TBCK: variants seen among roughly 807,000 people sequenced by gnomAD.
The protein encoded by TBCK is TBC1 domain containing kinase, also known as TBC domain-containing protein kinase-like protein.
In TBCK, 99 loss-of-function variants were observed where a neutral mutation model predicts 113.4. The ratio of observed to expected loss-of-function variants is 0.87; its 90% CI spans 0.74 to 1.03. TBCK has a LOEUF of 1.03. Ranked by LOEUF, TBCK falls within the 50% of genes least tolerant of loss-of-function variation. The pLI, the probability that TBCK is intolerant of heterozygous loss-of-function variation, is 0.00. For synonymous variants in TBCK, 369 were observed against 370.8 expected (o/e 1.00, Z 0.05); for missense variants, 1,045 against 1,061.3 (o/e 0.98, Z 0.21).
chr4:106,307,315 C>T (rs1767634359), intron 2 of TBCK, among the ~76,000 whole-genome samples: 1 of 152,078 alleles, frequency 6.6e-6, no homozygotes, highest in Admixed American at 6.6e-5. Flanking sequence ...GTTCCTTTCA[C>T]ACAGTAATGT....
At chr4:106,179,449 A>G (rs1402973341) in intron 22 of TBCK, among the ~76,000 whole-genome samples, 1 of 151,888 alleles carries the variant, frequency 6.6e-6, no homozygotes, top group Non-Finnish European at 1.5e-5. Context: ...TTTCATTTGC[A>G]CATTTTCTGT....
chr4:106,122,881 T>C (rs898787246), intron 23 of TBCK, among the ~76,000 whole-genome samples: 137 of 152,148 alleles, frequency 9.0e-4, no homozygotes, highest in Non-Finnish European at 1.5e-3. Context: ...TATTTCAAAA[T>C]AATAAGAGCT....
intron 2 of TBCK, among the ~76,000 whole-genome samples, chr4:106,305,710 G>C (rs1181592696): frequency 2.0e-5 from 3 of 152,052 alleles, no homozygotes; most frequent in African/African-American, 4.8e-5. Context: ...GATGAGATAG[G>C]AGGTCAGCAC....
At chr4:106,167,127 T>G (rs1750468125) in intron 23 of TBCK, among the ~76,000 whole-genome samples, 1 of 145,060 alleles carries the variant, frequency 6.9e-6, no homozygotes, top group African/African-American at 2.5e-5. Flanking sequence ...TGTATATATA[T>G]ATATAGAGAG....
At chr4:106,203,349 T>C (rs73838142) in intron 20 of TBCK, among the ~76,000 whole-genome samples, 1,666 of 151,476 alleles carry the variant, frequency 0.011, 31 homozygotes, top group African/African-American at 0.038. Flanking sequence ...GGGTTTGTTG[T>C]GTTTAAATTC....
chr4:106,233,492 T>C, intron 16 of TBCK, 96 bp downstream of exon 16: 7 of 890,908 alleles, frequency 7.9e-6, no homozygotes, highest in East Asian at 2.6e-5. Context: ...AGTGTCTCTG[T>C]ATTCATGAGA....
chr4:106,239,534 T>C (rs1315384655), intron 12 of TBCK, among the ~76,000 whole-genome samples: 1 of 151,868 alleles, frequency 6.6e-6, no homozygotes, highest in Non-Finnish European at 1.5e-5. Context: ...TGCTATTTTA[T>C]AAAGGATGGC....
chr4:106,280,408 C>T (rs1424266999), intron 3 of TBCK, among the ~76,000 whole-genome samples: 2 of 152,194 alleles, frequency 1.3e-5, no homozygotes, highest in African/African-American at 2.4e-5. Flanking sequence ...GTTTCCTTTG[C>T]TGTGCAGAAG....
intron 24 of TBCK, among the ~76,000 whole-genome samples, chr4:106,114,863 T>A (rs1180502089): frequency 6.6e-6 from 1 of 152,084 alleles, no homozygotes; most frequent in Non-Finnish European, 1.5e-5. Context: ...AGACTAGGGG[T>A]TCTTGACCAG....
rs1734133354 is a variant in TBCK at position 106,045,409 on chromosome 4, C to T, written c.*1161G>A. ...CTTAGATTTAATGAAATATAATACT[C>T]ATTTTAAAAACAATGTGGCAGAGGC... is the stretch of plus-strand genomic sequence containing the variant. On this transcript the variant is annotated 3_prime_UTR_variant, in exon 26 of 26. Transcript: ENST00000394708. The T allele has an allele frequency of 6.6e-6, 1 of 152,126 alleles. No homozygotes were observed. Among genetic ancestry groups the T allele is most frequent in the Non-Finnish European group, 1.5e-5 (1 of 68,024 alleles). The allele number at this position is 152,126 out of a possible 1,614,324, so 9.4% of individuals were successfully genotyped here.
chr4:106,246,462 TATA>T (rs1342269928), intron 10 of TBCK, among the ~76,000 whole-genome samples: 1 of 152,122 alleles, frequency 6.6e-6, no homozygotes, highest in Non-Finnish European at 1.5e-5. Context: ...ATATGCAGAA[TATA>T]ATGATATATA....
intron 23 of TBCK, among the ~76,000 whole-genome samples, chr4:106,144,540 T>C (rs1275149727): frequency 1.3e-5 from 2 of 152,308 alleles, no homozygotes; most frequent in Non-Finnish European, 2.9e-5. Flanking sequence ...GAAAAGTGCC[T>C]GGCACATGGT....
Position 106,236,487 on chromosome 4 carries a change from T to A in TBCK, c.1253A>T (p.Asn418Ile). The A allele has an allele frequency of 6.4e-7, 1 of 1,573,654 alleles. No homozygotes were observed. Among genetic ancestry groups the A allele is most frequent in the Non-Finnish European group, 8.6e-7 (1 of 1,159,466 alleles). ...GAGCGTGGCAGCTGCAGACAACTCATTATTGCTGTTTGAATGAGGTAAATT... is the reference window on the plus strand; with the variant it reads ...GAGCGTGGCAGCTGCAGACAACTCAATATTGCTGTTTGAATGAGGTAAATT... ...QSNLPHSNSN[N>I]ELSAAATLPL... The change falls in exon 14 of 26, where the codon AAT becomes ATT. Residue 418 changes from asparagine to isoleucine, a missense_variant. Coordinates refer to ENST00000394708, the MANE Select transcript of TBCK (RefSeq NM_001163435.3).
intron 23 of TBCK, among the ~76,000 whole-genome samples, chr4:106,153,239 A>G (rs1434617532): frequency 6.6e-6 from 1 of 151,944 alleles, no homozygotes; most frequent in Non-Finnish European, 1.5e-5. Context: ...GCTGTACTTC[A>G]TAGGTTTTAT....
At chr4:106,268,454 C>T (rs1763181167) in intron 3 of TBCK, among the ~76,000 whole-genome samples, 4 of 151,950 alleles carry the variant, frequency 2.6e-5, no homozygotes, top group Admixed American at 6.6e-5. Context: ...TGTTAAAATA[C>T]ATATATAAAA....
At chr4:106,136,834 C>T (rs559945258) in intron 23 of TBCK, among the ~76,000 whole-genome samples, 1 of 140,636 alleles carries the variant, frequency 7.1e-6, no homozygotes, top group East Asian at 2.0e-4. Context: ...CAGCAGAGAG[C>T]CTGGAACTCA....
intron 22 of TBCK, among the ~76,000 whole-genome samples, chr4:106,185,625 C>A (rs948082418): frequency 2.0e-5 from 3 of 151,982 alleles, no homozygotes; most frequent in Non-Finnish European, 4.4e-5. Context: ...AGAACAACAC[C>A]CTCACATGTT....
intron 13 of TBCK, 39 bp downstream of exon 13, chr4:106,236,719 GA>G (rs757302886): frequency 1.7e-6 from 2 of 1,209,382 alleles, no homozygotes; most frequent in Admixed American, 5.6e-5. Flanking sequence ...AATATAAATA[GA>G]AAGAAAAATA....
chr4:106,291,590 G>C (rs1765716778), intron 3 of TBCK, among the ~76,000 whole-genome samples: 1 of 152,068 alleles, frequency 6.6e-6, no homozygotes, highest in African/African-American at 2.4e-5. Context: ...TTTTTCAAAA[G>C]AAAAAAACAT....
Sources: gnomAD v4.1 joint callset for allele counts (sites outside exome capture counted in the v4.1 genomes callset) on GRCh38, gnomAD v4.1.1 for gene constraint, MANE v1.5 for transcripts, NCBI Gene and HGNC (gene_info 2026-07-23, HGNC 2026-07-21) for gene names.